The following PPP2R2B variants were observed in gnomAD, a reference collection of about 807,000 sequenced individuals.
PPP2R2B encodes serine/threonine-protein phosphatase 2A 55 kDa regulatory subunit B beta isoform.
In PPP2R2B, 5 loss-of-function variants were observed where a neutral mutation model predicts 46.0. The ratio of observed to expected loss-of-function variants is 0.11; its 90% CI spans 0.06 to 0.23. PPP2R2B has a LOEUF of 0.23. Among genes scored for constraint, PPP2R2B ranks in the 10% least tolerant of loss-of-function variants. PPP2R2B has a pLI of 1.00. For missense variants in PPP2R2B, 367 were observed against 575.0 expected, an observed-to-expected ratio of 0.64 and a Z score of 3.70; for synonymous variants, 215 against 206.7, an observed-to-expected ratio of 1.04 and a Z score of -0.34.
At position 146,662,390 on chromosome 5, in the gene PPP2R2B, C is replaced by G. The variant is rs75123014; in HGVS notation, c.448-11666G>C. 4.2e-3 allele frequency among the ~76,000 whole-genome samples: 646 copies of G among 152,292 alleles called. 6 individuals are homozygous for G. The highest frequency in any genetic ancestry group is 0.015 in the African/African-American group (625 of 41,572). On this transcript the variant is annotated intron_variant, in intron 5 of 9. Coordinates refer to ENST00000394411, the MANE Select transcript of PPP2R2B (RefSeq NM_181675.4). ...ACACTTTGATTTAGAAACAAATTGA[C>G]TTAAGATTGACATTTCAGGGTTACA...
chr5:146,685,204 G>C (rs1249514938), intron 5 of PPP2R2B, among the ~76,000 whole-genome samples: 1 of 151,364 alleles, frequency 6.6e-6, no homozygotes, highest in Non-Finnish European at 1.5e-5. Context: ...ATAATAGTGA[G>C]GAACAGGAGC....
intron 2 of PPP2R2B, among the ~76,000 whole-genome samples, chr5:146,753,697 C>A (rs1008957122): frequency 4.2e-4 from 64 of 152,156 alleles, no homozygotes; most frequent in African/African-American, 1.4e-3. Flanking sequence ...TTTTATGCAT[C>A]AATAATACTT....
intron 2 of PPP2R2B, among the ~76,000 whole-genome samples, chr5:146,812,783 G>GTATA (rs1397177129): frequency 6.3e-5 from 1 of 15,772 alleles, no homozygotes; most frequent in African/African-American, 2.6e-4. Context: ...GTGTGTGTGT[G>GTATA]TATATGTGTG....
intron 2 of PPP2R2B, among the ~76,000 whole-genome samples, chr5:146,712,678 C>T (rs1780277795): frequency 6.6e-6 from 1 of 152,128 alleles, no homozygotes; most frequent in Non-Finnish European, 1.5e-5. Flanking sequence ...TTTGGCTGAT[C>T]CGGATGGCTA....
At chr5:146,616,894 C>G (rs563899878) in intron 7 of PPP2R2B, 1 of 152,340 alleles carries the variant, frequency 6.6e-6, no homozygotes, top group Admixed American at 6.5e-5. Flanking sequence ...CAAAGAAAAT[C>G]AGTATACTGA....
intron 5 of PPP2R2B, among the ~76,000 whole-genome samples, chr5:146,654,487 T>C (rs907475730): frequency 6.6e-6 from 1 of 152,172 alleles, no homozygotes; most frequent in South Asian, 2.1e-4. Context: ...AAAGGCTCTG[T>C]GGTGTATGGA....
At chr5:146,934,184 T>C (rs916131203) in intron 1 of PPP2R2B, among the ~76,000 whole-genome samples, 48 of 152,252 alleles carry the variant, frequency 3.2e-4, no homozygotes, top group Admixed American at 3.3e-4. Flanking sequence ...TACAGTCATT[T>C]GGGTATATAC....
chr5:146,916,793 T>C lies in PPP2R2B; in HGVS notation c.79+138872A>G, dbSNP rs150427174. 4.5e-3 allele frequency among the ~76,000 whole-genome samples: 686 copies of C among 152,236 alleles called. 8 individuals carry two copies. Among genetic ancestry groups the C allele is most frequent in the African/African-American group, 0.015 (642 of 41,548 alleles). On this transcript the variant is annotated intron_variant, in intron 1 of 8. Coordinates refer to the PPP2R2B transcript ENST00000336640. ...TTGTGACTTGTAGTAAGAAAAAAAG[T>C]TGGGCACTGAATTAAACATTTATTT...
intron 1 of PPP2R2B, among the ~76,000 whole-genome samples, chr5:147,048,065 AGAG>A (rs1756622924): frequency 6.6e-6 from 1 of 152,184 alleles, no homozygotes; most frequent in Non-Finnish European, 1.5e-5. Context: ...GGGCTGTGGT[AGAG>A]ATAGCCCTGT....
intron 1 of PPP2R2B, among the ~76,000 whole-genome samples, chr5:146,963,928 C>G (rs745604733): frequency 1.1e-4 from 17 of 152,176 alleles, no homozygotes; most frequent in Non-Finnish European, 1.9e-4. Context: ...CCTTTCAGGT[C>G]TCATTCAGAA....
At chr5:146,904,568 G>A (rs1393650237) in intron 1 of PPP2R2B, among the ~76,000 whole-genome samples, 3 of 152,176 alleles carry the variant, frequency 2.0e-5, no homozygotes, top group Non-Finnish European at 4.4e-5. Context: ...TAAGCTTCTT[G>A]GAGAAACCTC....
chr5:146,770,901 T>C (rs1317108075), intron 2 of PPP2R2B, among the ~76,000 whole-genome samples: 1 of 152,176 alleles, frequency 6.6e-6, no homozygotes, highest in Non-Finnish European at 1.5e-5. Flanking sequence ...GAACAACCTA[T>C]TTACTTTCTC....
intron 2 of PPP2R2B, among the ~76,000 whole-genome samples, chr5:146,810,791 G>A (rs1186155700): frequency 6.6e-6 from 1 of 151,528 alleles, no homozygotes; most frequent in Non-Finnish European, 1.5e-5. Flanking sequence ...TGTTACATAT[G>A]TATACATGTG....
At chr5:146,926,801 T>C (rs974683558) in intron 1 of PPP2R2B, among the ~76,000 whole-genome samples, 4 of 152,104 alleles carry the variant, frequency 2.6e-5, no homozygotes, top group Non-Finnish European at 5.9e-5. Context: ...ACCAGAAGCA[T>C]ATAAAGGGCT....
intron 1 of PPP2R2B, among the ~76,000 whole-genome samples, chr5:146,909,996 A>G (rs1423878825): frequency 6.6e-6 from 1 of 152,174 alleles, no homozygotes; most frequent in African/African-American, 2.4e-5. Context: ...TTGGCTTAAA[A>G]TTAATAGGAA....
At chr5:146,606,383 T>A (rs1195487538) in intron 7 of PPP2R2B, among the ~76,000 whole-genome samples, 1 of 152,192 alleles carries the variant, frequency 6.6e-6, no homozygotes, top group Non-Finnish European at 1.5e-5. Flanking sequence ...TGACTAACAG[T>A]ATAGGTGGTT....
intron 2 of PPP2R2B, among the ~76,000 whole-genome samples, chr5:146,810,512 C>T (rs1757464149): frequency 6.6e-6 from 1 of 152,144 alleles, no homozygotes; most frequent in Non-Finnish European, 1.5e-5. Context: ...GGTAGGGACA[C>T]AGCCAAACCA....
intron 1 of PPP2R2B, among the ~76,000 whole-genome samples, chr5:146,917,307 C>T (rs1427456778): frequency 6.6e-6 from 1 of 152,200 alleles, no homozygotes; most frequent in East Asian, 1.9e-4. Context: ...ACAGTGGGTG[C>T]TCAAGAAATG....
intron 2 of PPP2R2B, among the ~76,000 whole-genome samples, chr5:146,762,035 A>G (rs1414391273): frequency 6.6e-6 from 1 of 152,160 alleles, no homozygotes; most frequent in Non-Finnish European, 1.5e-5. Flanking sequence ...GCCTGAAGAC[A>G]TCTTAGCATC....
Sources: allele counts gnomAD v4.1 joint callset (sites outside exome capture counted in the v4.1 genomes callset), GRCh38; gene constraint gnomAD v4.1.1; transcripts MANE v1.5; gene names NCBI Gene and HGNC (gene_info 2026-07-23, HGNC 2026-07-21).